NRXN3: variants seen among roughly 807,000 people sequenced by gnomAD.
NRXN3 encodes neurexin III.
Under a neutral mutation model 137.6 loss-of-function variants are expected in NRXN3, and 32 were observed. The observed-to-expected ratio is 0.23, with a 90% CI of 0.18 to 0.31. The LOEUF (loss-of-function observed/expected upper bound fraction) is 0.31, where lower values mean the gene tolerates loss of function less well. NRXN3 is among the 10% of genes least tolerant of loss of function. The pLI is 1.00. For synonymous variants in NRXN3, 798 were observed against 784.5 expected (o/e 1.02, Z -0.29); for missense variants, 1,574 against 2,062.5 (o/e 0.76, Z 4.59).
intron 19 of NRXN3, among the ~76,000 whole-genome samples, chr14:79,800,248 A>G (rs995821674): frequency 6.6e-6 from 1 of 152,250 alleles, no homozygotes; most frequent in Non-Finnish European, 1.5e-5. Flanking sequence ...GTAACTATGA[A>G]TAGAAGAGTT....
At chr14:79,847,634 T>A (rs2099382400) in intron 20 of NRXN3, among the ~76,000 whole-genome samples, 1 of 152,214 alleles carries the variant, frequency 6.6e-6, no homozygotes, top group Admixed American at 6.5e-5. Context: ...ATCAAGATGT[T>A]ATTAGCTATA....
intron 4 of NRXN3, among the ~76,000 whole-genome samples, chr14:78,382,372 TAGAAC>T (rs2089283665): frequency 6.6e-6 from 1 of 152,146 alleles, no homozygotes; most frequent in Admixed American, 6.5e-5. Flanking sequence ...TGAAAGTAGA[TAGAAC>T]AGAGAGAGGA....
chr14:79,366,567 G>T (rs2093901228), intron 15 of NRXN3, among the ~76,000 whole-genome samples: 1 of 152,084 alleles, frequency 6.6e-6, no homozygotes. Flanking sequence ...AACATTCCAT[G>T]CACTTCTAAT....
chr14:78,450,529 C>G (rs2094526897), intron 4 of NRXN3, among the ~76,000 whole-genome samples: 1 of 152,140 alleles, frequency 6.6e-6, no homozygotes, highest in Non-Finnish European at 1.5e-5. Flanking sequence ...GCACGCTTTA[C>G]TTAATAACTT....
chr14:78,618,611 TGAGA>T (rs1040899585), intron 4 of NRXN3, among the ~76,000 whole-genome samples: 11 of 152,190 alleles, frequency 7.2e-5, no homozygotes, highest in African/African-American at 2.7e-4. Flanking sequence ...GGAAAACAGC[TGAGA>T]GAGAATGTTC....
chr14:78,408,275 A>G (rs533719697), intron 4 of NRXN3, among the ~76,000 whole-genome samples: 1 of 152,198 alleles, frequency 6.6e-6, no homozygotes, highest in African/African-American at 2.4e-5. Flanking sequence ...ATCTAAGCCT[A>G]TGCAATGCTA....
rs10701078 is a variant in NRXN3 at position 78,778,758 on chromosome 14, CTCTTTCTTTCTTTCTTTCTTTCTTTCTT to C, written c.2045-24824_2045-24797del. On this transcript the variant is annotated intron_variant, in intron 8 of 20. Coordinates refer to ENST00000335750, the MANE Select transcript of NRXN3 (RefSeq NM_001330195.2). The stretch of plus-strand genomic sequence containing the variant: ...TCTCTCTTTCTTTCTTTCCTTCTTT[CTCTTTCTTTCTTTCTTTCTTTCTTTCTT>C]TCTTTCTTTCTTTCTTTCTTTCTTT... Among the ~76,000 whole-genome samples the C allele has an allele frequency of 6.3e-3, 609 of 97,138 alleles. 8 individuals carry two copies. Among genetic ancestry groups the C allele is most frequent in the African/African-American group, 0.015 (363 of 24,348 alleles). 63.7% of individuals were successfully genotyped at this position (97,138 alleles called of 152,430 possible).
chr14:78,191,373 A>G (rs1332826103), intron 1 of NRXN3, among the ~76,000 whole-genome samples: 1 of 152,070 alleles, frequency 6.6e-6, no homozygotes, highest in Non-Finnish European at 1.5e-5. Context: ...TACAAGTGTG[A>G]TTTGAACCTA....
intron 8 of NRXN3, among the ~76,000 whole-genome samples, chr14:78,796,036 G>C (rs901477172): frequency 2.0e-5 from 3 of 152,178 alleles, no homozygotes; most frequent in Non-Finnish European, 2.9e-5. Flanking sequence ...CCCCAGAAGA[G>C]GCAGGCTACT....
chr14:79,774,806 C>G (rs2099091449), intron 19 of NRXN3, among the ~76,000 whole-genome samples: 1 of 152,056 alleles, frequency 6.6e-6, no homozygotes, highest in South Asian at 2.1e-4. Context: ...ACTAGATAAT[C>G]TTTGCTCTCT....
At chr14:79,651,916 G>GTCCAT (rs2098478020) in intron 16 of NRXN3, among the ~76,000 whole-genome samples, 1 of 152,088 alleles carries the variant, frequency 6.6e-6, no homozygotes, top group Non-Finnish European at 1.5e-5. Flanking sequence ...GATTCATGCT[G>GTCCAT]GAATCCATAG....
chr14:79,126,013 G>A (rs544771428), intron 15 of NRXN3, among the ~76,000 whole-genome samples: 2 of 151,782 alleles, frequency 1.3e-5, no homozygotes, highest in Non-Finnish European at 2.9e-5. Context: ...GCACTGATTG[G>A]ACATCACAGC....
chr14:78,998,080 AAATC>A (rs2099533696), intron 15 of NRXN3, among the ~76,000 whole-genome samples: 1 of 152,152 alleles, frequency 6.6e-6, no homozygotes, highest in African/African-American at 2.4e-5. Context: ...GAGCAGTCTT[AAATC>A]TCACAGTTTA....
intron 4 of NRXN3, among the ~76,000 whole-genome samples, chr14:78,403,578 C>T (rs1268929236): frequency 1.3e-5 from 2 of 152,192 alleles, no homozygotes; most frequent in African/African-American, 4.8e-5. Context: ...ATGCACAAAA[C>T]ACCCTGTCCC....
rs1037850171 is a variant in NRXN3 at position 79,864,035 on chromosome 14, A to T, written c.*2071A>T. 2 of 152,588 alleles carry T rather than the reference A, an allele frequency of 1.3e-5. No individual in the cohort carries two copies. Among genetic ancestry groups the T allele is most frequent in the African/African-American group, 4.8e-5 (2 of 41,456 alleles). The allele number at this position is 152,588 out of a possible 1,614,324, so 9.5% of individuals were successfully genotyped here. On this transcript the variant is annotated 3_prime_UTR_variant, in exon 21 of 21. Coordinates refer to ENST00000335750, the MANE Select transcript of NRXN3 (RefSeq NM_001330195.2). ...TGTTATCATTAAAAAAGACAGGATT[A>T]TAAAGAGATATCAAAGCACGATTTT...
intron 15 of NRXN3, among the ~76,000 whole-genome samples, chr14:79,422,652 G>A (rs896291132): frequency 1.3e-5 from 2 of 151,724 alleles, no homozygotes; most frequent in Non-Finnish European, 2.9e-5. Context: ...AAGATGGATG[G>A]CTGTCTAGAT....
chr14:79,217,304 G>A (rs1164596055), intron 15 of NRXN3, among the ~76,000 whole-genome samples: 1 of 152,136 alleles, frequency 6.6e-6, no homozygotes, highest in Non-Finnish European at 1.5e-5. Context: ...CATGACGAGA[G>A]CAGGAGCAAG....
At chr14:78,710,427 A>G (rs903096383) in intron 7 of NRXN3, among the ~76,000 whole-genome samples, 1 of 152,142 alleles carries the variant, frequency 6.6e-6, no homozygotes, top group South Asian at 2.1e-4. Flanking sequence ...CAGTCTGCCT[A>G]GCTTTCTATG....
intron 10 of NRXN3, among the ~76,000 whole-genome samples, chr14:78,824,718 TA>T (rs1003217307): frequency 6.6e-6 from 1 of 152,018 alleles, no homozygotes; most frequent in Non-Finnish European, 1.5e-5. Context: ...AAATTTAAAT[TA>T]AAAAAATGTG....
Sources: allele counts gnomAD v4.1 joint callset (sites outside exome capture counted in the v4.1 genomes callset), GRCh38; gene constraint gnomAD v4.1.1; transcripts MANE v1.5; gene names NCBI Gene and HGNC (gene_info 2026-07-23, HGNC 2026-07-21).